Variants in DNAH8 observed in about 807,000 individuals in gnomAD.
The protein encoded by DNAH8 is axonemal beta dynein heavy chain 8.
DNAH8 carries 382 observed loss-of-function variants against 562.1 expected under a neutral mutation model. The ratio of observed to expected loss-of-function variants is 0.68; its 90% CI spans 0.63 to 0.74. DNAH8 has a LOEUF of 0.74. Ranked by LOEUF, DNAH8 falls within the 30% of genes least tolerant of loss-of-function variation. The pLI, the probability that DNAH8 is intolerant of heterozygous loss-of-function variation, is 0.00. For synonymous variants in DNAH8, 1,881 were observed against 1,919.4 expected (o/e 0.98, Z 0.52); for missense variants, 5,203 against 5,620.4 (o/e 0.93, Z 2.37).
intron 87 of DNAH8, 92 bp from the exon 88 acceptor site, chr6:38,989,920 A>G: frequency 1.2e-5 from 8 of 683,328 alleles, no homozygotes; most frequent in South Asian, 4.0e-5. Context: ...AACTCTGTTA[A>G]AATGGAAATA....
At chr6:38,836,928 C>G (rs918527090) in intron 32 of DNAH8, among the ~76,000 whole-genome samples, 1 of 152,126 alleles carries the variant, frequency 6.6e-6, no homozygotes, top group African/African-American at 2.4e-5. Flanking sequence ...CATCAATAGT[C>G]TTTACACATT....
chr6:38,733,012 C>T (rs1362717742), intron 4 of DNAH8, among the ~76,000 whole-genome samples: 1 of 152,126 alleles, frequency 6.6e-6, no homozygotes, highest in Non-Finnish European at 1.5e-5. Context: ...CCTCAACCTC[C>T]TGAGTAGTTA....
rs376298913 is a variant in DNAH8 at position 38,930,555 on chromosome 6, AAAAT to A, written c.11274+897_11274+900del. ...AAGCCTTTATGAGTTTATAGGGAGA[AAAAT>A]AAATAAAACGCAGTTAGTGTTCTGA... is the stretch of plus-strand genomic sequence containing the variant. On this transcript the variant is annotated intron_variant, in intron 75 of 92. Transcript: ENST00000327475. 6.5e-3 allele frequency among the ~76,000 whole-genome samples: 992 copies of A among 152,256 alleles called. 13 individuals are homozygous for A. Among genetic ancestry groups the A allele is most frequent in the African/African-American group, 0.022 (934 of 41,562 alleles).
intron 66 of DNAH8, among the ~76,000 whole-genome samples, chr6:38,913,593 A>T (rs1208628159): frequency 1.3e-5 from 2 of 152,166 alleles, no homozygotes; most frequent in Non-Finnish European, 1.5e-5. Context: ...ATTCAATAGG[A>T]CATTGTGACT....
intron 11 of DNAH8, among the ~76,000 whole-genome samples, chr6:38,767,374 T>C (rs1767111864): frequency 6.6e-6 from 1 of 151,852 alleles, no homozygotes; most frequent in African/African-American, 2.4e-5. Context: ...GAGGCGTAGA[T>C]TGCAGTGAGC....
chr6:38,938,808 T>C lies in DNAH8; in HGVS notation c.11827T>C (p.Ser3943Pro), dbSNP rs921967632. 6.3e-7 allele frequency: 1 copy of C among 1,599,658 alleles called. No homozygotes were observed. Among genetic ancestry groups the C allele is most frequent in the Non-Finnish European group, 8.5e-7 (1 of 1,173,428 alleles). The change falls in exon 79 of 93, where the codon TCA (serine) becomes CCA (proline). Residue 3943 changes from serine (S) to proline (P), a missense_variant. Ser to Pro is a moderately conservative substitution (Grantham distance 74). Coordinates refer to ENST00000327475, the MANE Select transcript of DNAH8 (RefSeq NM_001206927.2). ...FDQSMARSEKSPLPQKRITNI... is the reference protein window; with the variant it reads ...FDQSMARSEKPPLPQKRITNI... ...TAAAATGTGTTTCAGATCTGAAAAG[T>C]CACCACTACCTCAAAAGAGAATTAC...
rs1383238061 is a variant in DNAH8, at chr6:38,899,766, C to G, written c.9064-10C>G. The G allele has an allele frequency of 3.7e-6, 6 of 1,613,046 alleles. No homozygotes were observed. Among genetic ancestry groups the G allele is most frequent in the Non-Finnish European group, 5.1e-6 (6 of 1,179,456 alleles). ...TTTTTCAAATAAGCACGTTTTAAATCTCAAAACAGATTTCACGAATAATTC... is the reference window on the plus strand; with the variant it reads ...TTTTTCAAATAAGCACGTTTTAAATGTCAAAACAGATTTCACGAATAATTC... On this transcript the variant is annotated splice_polypyrimidine_tract_variant and intron_variant, in intron 61 of 92. Transcript: ENST00000327475.
chr6:38,734,801 A>G (rs1021572244), intron 5 of DNAH8, among the ~76,000 whole-genome samples, 176 bp downstream of exon 5: 1 of 152,210 alleles, frequency 6.6e-6, no homozygotes, highest in Admixed American at 6.5e-5. Context: ...GAGCTTAGTT[A>G]TATTGATATT....
At chr6:38,958,127 G>A (rs377148267) in intron 82 of DNAH8, among the ~76,000 whole-genome samples, 5 of 150,964 alleles carry the variant, frequency 3.3e-5, no homozygotes, top group African/African-American at 7.3e-5. Context: ...TCAGCCTCCC[G>A]AGTAGCTGGG....
At chr6:38,780,669 A>C (rs1448719809) in intron 15 of DNAH8, among the ~76,000 whole-genome samples, 1 of 152,184 alleles carries the variant, frequency 6.6e-6, no homozygotes, top group Non-Finnish European at 1.5e-5. Context: ...AGAAGGGAAC[A>C]GTAGACACTG....
intron 53 of DNAH8, among the ~76,000 whole-genome samples, chr6:38,876,214 A>G (rs1165981117): frequency 2.0e-5 from 3 of 152,354 alleles, no homozygotes; most frequent in African/African-American, 7.2e-5. Context: ...TGGGAATGCC[A>G]GAATGAGTAG....
chr6:38,931,603 A>T (rs930389916), intron 75 of DNAH8, among the ~76,000 whole-genome samples: 1 of 152,160 alleles, frequency 6.6e-6, no homozygotes, highest in Non-Finnish European at 1.5e-5. Flanking sequence ...ATCATTGCTA[A>T]AAACATCACC....
chr6:38,784,456 C>T (rs897474738), intron 17 of DNAH8, among the ~76,000 whole-genome samples: 1 of 152,184 alleles, frequency 6.6e-6, no homozygotes, highest in Non-Finnish European at 1.5e-5. Flanking sequence ...TACAGCCTTT[C>T]CTTATTCTTC....
chr6:38,862,526 G>T, intron 44 of DNAH8, 68 bp downstream of exon 44: 2 of 1,511,174 alleles, frequency 1.3e-6, no homozygotes, highest in Admixed American at 1.9e-5. Context: ...GTTATTTTCT[G>T]ATATAAATCC....
chr6:38,906,328 T>G lies in DNAH8; in HGVS notation c.9269T>G (p.Ile3090Ser), dbSNP rs1174747269. Residue 3090 changes from isoleucine (I) to serine (S), a missense_variant, in exon 63 of 93, where the codon ATC (isoleucine) becomes AGC (serine). Ile to Ser is a moderately radical substitution (Grantham distance 142, BLOSUM62 -2). Around this residue, in one of 6 missense-constraint regions of DNAH8, gnomAD observed 977 missense variants for 1,061.8 expected, o/e 0.92. Coordinates refer to ENST00000327475, the MANE Select transcript of DNAH8 (RefSeq NM_001206927.2). The stretch of plus-strand genomic sequence containing the variant: ...GTTGCTGGTGCTGATGGAAAAGGCA[T>G]CACTTTCATCTTTACTGACAGTGAA... ...YKVAGADGKG[I>S]TFIFTDSEIK... 6.2e-7 allele frequency: 1 copy of G among 1,610,946 alleles called. No individual in the cohort carries two copies. The highest frequency in any genetic ancestry group is 1.7e-5 in the Admixed American group (1 of 59,996).
At chr6:38,919,586 A>G (rs1781546521) in intron 70 of DNAH8, among the ~76,000 whole-genome samples, 2 of 152,248 alleles carry the variant, frequency 1.3e-5, no homozygotes, top group Non-Finnish European at 2.9e-5. Flanking sequence ...AACAAAGAAC[A>G]TGAAATTATT....
chr6:38,820,900 G>A (rs1772769304), intron 26 of DNAH8, among the ~76,000 whole-genome samples: 1 of 152,114 alleles, frequency 6.6e-6, no homozygotes, highest in Non-Finnish European at 1.5e-5. Context: ...TTGAAAGCCT[G>A]AATTTTTTCC....
intron 91 of DNAH8, among the ~76,000 whole-genome samples, chr6:39,020,116 A>G (rs905202242): frequency 6.6e-6 from 1 of 152,152 alleles, no homozygotes; most frequent in African/African-American, 2.4e-5. Context: ...ACATTTTTAA[A>G]TGGGTTTAGC....
At chr6:38,890,521 A>T in intron 57 of DNAH8, 131 bp from the exon 58 acceptor site, 1 of 679,178 alleles carries the variant, frequency 1.5e-6, no homozygotes, top group Non-Finnish European at 2.6e-6. Flanking sequence ...TCCCAGTCTT[A>T]GCTGATCCCT....
Sources: gnomAD v4.1 joint callset for allele counts (sites outside exome capture counted in the v4.1 genomes callset) on GRCh38, gnomAD v4.1.1 for gene constraint, gnomAD v4.1.1 regional missense constraint, MANE v1.5 for transcripts, NCBI Gene and HGNC (gene_info 2026-07-23, HGNC 2026-07-21) for gene names.